Variants in MYT1L observed in about 807,000 individuals in gnomAD.
MYT1L encodes the protein myelin transcription factor 1 like.
Under a neutral mutation model 126.7 loss-of-function variants are expected in MYT1L, and 12 were observed. That is an observed-to-expected ratio of 0.09 (90% confidence interval 0.06 to 0.15). The LOEUF (loss-of-function observed/expected upper bound fraction) is 0.15. Ranked by LOEUF, MYT1L falls within the 10% of genes least tolerant of loss-of-function variation. MYT1L has a pLI of 1.00. For missense variants in MYT1L, 979 were observed against 1,585.2 expected (o/e 0.62, Z 6.49); for synonymous variants, 541 against 604.2 (o/e 0.90, Z 1.53).
intron 3 of MYT1L, among the ~76,000 whole-genome samples, chr2:2,145,994 T>C (rs1359133171): frequency 6.6e-6 from 1 of 152,176 alleles, no homozygotes; most frequent in Non-Finnish European, 1.5e-5. Flanking sequence ...ATGCTGACGA[T>C]CTGGAACACT....
chr2:1,917,942 A>G lies in MYT1L; in HGVS notation c.1484-603T>C, dbSNP rs1195124369. Among the ~76,000 whole-genome samples, 1 of 152,214 alleles carries G rather than the reference A, an allele frequency of 6.6e-6. No individual in the cohort carries two copies. The highest frequency in any genetic ancestry group is 1.5e-5 in the Non-Finnish European group (1 of 68,044). ...AGAAGGCACTGTAAGCAAATGACCA[A>G]AAAGGTGGAAAGCCCACCTGACAGA... On this transcript the variant is annotated intron_variant, in intron 10 of 24. Transcript: ENST00000647738. The surrounding 1 kb of genome is among the most constrained non-coding windows in gnomAD (Gnocchi z 5.9).
chr2:2,167,248 G>C (rs2089297056), intron 3 of MYT1L, among the ~76,000 whole-genome samples: 1 of 152,158 alleles, frequency 6.6e-6, no homozygotes, highest in African/African-American at 2.4e-5. Context: ...GGTGAGTGTA[G>C]AATTTGTATA....
At chr2:1,900,701 C>T (rs1304926694) in intron 14 of MYT1L, among the ~76,000 whole-genome samples, 29 of 152,220 alleles carry the variant, frequency 1.9e-4, no homozygotes, top group South Asian at 2.1e-4. Flanking sequence ...GTAACACTTG[C>T]GCCTCTAAAA....
intron 2 of MYT1L, among the ~76,000 whole-genome samples, chr2:2,276,734 G>C (rs1040348432): frequency 6.6e-6 from 1 of 152,060 alleles, no homozygotes; most frequent in Non-Finnish European, 1.5e-5. Flanking sequence ...CCTCTCTGCA[G>C]GTGCATACAA....
At chr2:2,290,265 G>A (rs1412225800) in intron 1 of MYT1L, among the ~76,000 whole-genome samples, 2 of 152,210 alleles carry the variant, frequency 1.3e-5, no homozygotes, top group Non-Finnish European at 2.9e-5. Flanking sequence ...GCAAGGAGAG[G>A]GAGCTGGGGA....
chr2:2,003,492 C>T (rs1332996111), intron 4 of MYT1L, among the ~76,000 whole-genome samples: 1 of 152,212 alleles, frequency 6.6e-6, no homozygotes, highest in Non-Finnish European at 1.5e-5. Flanking sequence ...TCTTCTCTCC[C>T]TCCTGCTGTG....
At chr2:2,112,338 G>A (rs1027163561) in intron 3 of MYT1L, among the ~76,000 whole-genome samples, 1 of 152,200 alleles carries the variant, frequency 6.6e-6, no homozygotes, top group Admixed American at 6.5e-5. Flanking sequence ...ATAAAAAGCA[G>A]TGCTTAAATG....
At chr2:1,825,571 T>C (rs1276203154) in intron 21 of MYT1L, 1 of 152,214 alleles carries the variant, frequency 6.6e-6, no homozygotes, top group African/African-American at 2.4e-5. Context: ...GTCAAAGTTT[T>C]TTGTTTGTTT....
intron 3 of MYT1L, among the ~76,000 whole-genome samples, chr2:2,157,703 C>T (rs1000517648): frequency 6.6e-6 from 1 of 152,134 alleles, no homozygotes; most frequent in African/African-American, 2.4e-5. Flanking sequence ...CCTTCCTATG[C>T]ATTCATCTGC....
intron 2 of MYT1L, among the ~76,000 whole-genome samples, chr2:2,184,005 AAG>A (rs558482600): frequency 2.6e-4 from 39 of 150,446 alleles, no homozygotes; most frequent in African/African-American, 4.4e-4. Flanking sequence ...GGGAGGGAGA[AAG>A]AGAAAGAGAG....
intron 3 of MYT1L, among the ~76,000 whole-genome samples, chr2:2,160,550 G>C (rs530045723): frequency 1.1e-3 from 161 of 152,276 alleles, no homozygotes; most frequent in African/African-American, 3.6e-3. Flanking sequence ...CTAATAGTTT[G>C]GTCAGGCTGA....
intron 2 of MYT1L, among the ~76,000 whole-genome samples, chr2:2,232,079 G>C (rs1211616880): frequency 6.6e-6 from 1 of 152,166 alleles, no homozygotes; most frequent in Non-Finnish European, 1.5e-5. Flanking sequence ...ATATCCCTGC[G>C]ACAGAGAACA....
Position 1,972,466 on chromosome 2 carries a change from C to T in MYT1L, c.152+6699G>A, listed in dbSNP as rs566773640. 1.2e-4 allele frequency among the ~76,000 whole-genome samples: 18 copies of T among 152,286 alleles called. No individual in the cohort carries two copies. In the East Asian group the frequency reaches 2.1e-3, roughly 18 times the overall value. The stretch of plus-strand genomic sequence containing the variant: ...GAACTCCTATTTTTCTCTCTGTCTT[C>T]CTCTCTGTTTCTTCTTTTTTTATTT... On this transcript the variant is annotated intron_variant, in intron 8 of 24. Transcript: ENST00000647738.
intron 4 of MYT1L, among the ~76,000 whole-genome samples, chr2:2,010,838 C>T (rs1253987636): frequency 6.6e-6 from 1 of 152,052 alleles, no homozygotes; most frequent in Non-Finnish European, 1.5e-5. Context: ...CTCAGCGGAA[C>T]AGAACCCATA....
intron 1 of MYT1L, among the ~76,000 whole-genome samples, chr2:2,299,948 A>G (rs757738976): frequency 2.9e-4 from 44 of 152,208 alleles, no homozygotes; most frequent in Admixed American, 1.7e-3. Flanking sequence ...AGGGAAAAAA[A>G]ATCAATACCA....
At chr2:2,123,109 C>T (rs2081266867) in intron 3 of MYT1L, among the ~76,000 whole-genome samples, 1 of 152,090 alleles carries the variant, frequency 6.6e-6, no homozygotes, top group Non-Finnish European at 1.5e-5. Context: ...GATCATCTGA[C>T]CCATTTCTTT....
chr2:1,891,422 T>G (rs2048863514), intron 15 of MYT1L, among the ~76,000 whole-genome samples: 3 of 152,270 alleles, frequency 2.0e-5, no homozygotes, highest in African/African-American at 7.2e-5. Context: ...TCTTAAACGC[T>G]CTCTCTCCTG....
intron 23 of MYT1L, among the ~76,000 whole-genome samples, chr2:1,800,662 G>A (rs1429724690): frequency 6.6e-6 from 1 of 152,210 alleles, no homozygotes; most frequent in East Asian, 1.9e-4. Context: ...TATGGGAAAG[G>A]CCCTCAACCT....
rs1171786473 is a variant in MYT1L, at chr2:1,922,701, G to A, written c.1068C>T (p.Asn356=). 1.2e-6 allele frequency: 2 copies of A among 1,613,738 alleles called. No homozygotes were observed. Among genetic ancestry groups the A allele is most frequent in the African/African-American group, 2.7e-5 (2 of 74,914 alleles). ...PQERNPQQNM[N]IRQHVRPEED... ...CTTCTGGCCGGACATGCTGACGGAT[G>A]TTCATGTTCTGCTGCGGATTCCTCT... Residue 356 remains asparagine, a synonymous_variant, in exon 10 of 25, where the codon AAC becomes AAT. Coordinates refer to ENST00000647738, the MANE Select transcript of MYT1L (RefSeq NM_001303052.2). This position sits in a 1 kb window ranked among gnomAD's most constrained non-coding sequence, Gnocchi z 7.4.
Sources: allele counts gnomAD v4.1 joint callset (sites outside exome capture counted in the v4.1 genomes callset), GRCh38; gene constraint gnomAD v4.1.1; non-coding constraint Gnocchi (gnomAD v3.1); transcripts MANE v1.5; gene names NCBI Gene and HGNC (gene_info 2026-07-23, HGNC 2026-07-21).